UBR4: variants seen among roughly 807,000 people sequenced by gnomAD.
UBR4 encodes E3 ubiquitin-protein ligase UBR4.
A neutral mutation model predicts 575.6 loss-of-function variants in UBR4; 124 were observed. The observed-to-expected ratio is 0.22, with a 90% CI of 0.19 to 0.25. UBR4 has a LOEUF of 0.25. UBR4 is among the 10% of genes least tolerant of loss of function. UBR4 has a pLI of 1.00. For missense variants in UBR4, 4,818 were observed against 6,478.8 expected (o/e 0.74, Z 8.80); for synonymous variants, 2,455 against 2,473.7 (o/e 0.99, Z 0.22).
intron 9 of UBR4, among the ~76,000 whole-genome samples, chr1:19,192,994 G>A (rs900385800): frequency 6.6e-6 from 1 of 152,080 alleles, no homozygotes; most frequent in Non-Finnish European, 1.5e-5. Context: ...TGCTGGCCAG[G>A]CTGGTTTTGA....
At chr1:19,206,552 T>C (rs1464257378) in intron 1 of UBR4, among the ~76,000 whole-genome samples, 2 of 152,098 alleles carry the variant, frequency 1.3e-5, no homozygotes, top group Non-Finnish European at 2.9e-5. Context: ...GCCAGGCTGG[T>C]CTCAAACTCC....
intron 2 of UBR4, among the ~76,000 whole-genome samples, chr1:19,200,760 G>A (rs571961403): frequency 2.9e-3 from 448 of 152,324 alleles, no homozygotes; most frequent in African/African-American, 9.6e-3. Flanking sequence ...ATTGGACACT[G>A]AAGGATTCCT....
At chr1:19,078,813 T>C (rs1336266944) in intron 103 of UBR4, 2 of 152,180 alleles carry the variant, frequency 1.3e-5, no homozygotes, top group Non-Finnish European at 2.9e-5. Flanking sequence ...TCTAACAATG[T>C]CCACTGCCTT....
Position 19,153,482 on chromosome 1 carries a change from A to G in UBR4, c.6651T>C (p.Ile2217=), listed in dbSNP as rs1274842502. ...GCTGCTCATTGCAGGCCGTGTGCCT[A>G]ATAGCAACCATGTCTTGGATCTAGG... The part of the protein sequence containing the change: ...AKAKIQDMVA[I]RHTACNEQQR... The change falls in exon 46 of 106, where the codon ATT becomes ATC. Residue 2217 remains isoleucine, a synonymous_variant. Coordinates refer to ENST00000375254, the MANE Select transcript of UBR4 (RefSeq NM_020765.3). The surrounding 1 kb of genome is among the most constrained non-coding windows in gnomAD (Gnocchi z 4.1). 13 of 1,613,982 alleles carry G rather than the reference A, an allele frequency of 8.1e-6. No homozygotes were observed. The highest frequency in any genetic ancestry group is 1.1e-5 in the Non-Finnish European group (13 of 1,180,010).
chr1:19,188,037 A>AATAG (rs1240900381), intron 11 of UBR4, among the ~76,000 whole-genome samples: 2 of 148,642 alleles, frequency 1.3e-5, no homozygotes, highest in African/African-American at 4.9e-5. Context: ...AAATTAAATA[A>AATAG]ATAAATAAAT....
At chr1:19,091,971 G>A (rs2077555795) in intron 97 of UBR4, among the ~76,000 whole-genome samples, 1 of 151,006 alleles carries the variant, frequency 6.6e-6, no homozygotes, top group Non-Finnish European at 1.5e-5. Flanking sequence ...AGAAAATCAT[G>A]CTGAGAAAAA....
intron 23 of UBR4, 22 bp from the exon 24 acceptor site, chr1:19,173,328 GTGTT>G: frequency 6.2e-7 from 1 of 1,613,870 alleles, no homozygotes; most frequent in Non-Finnish European, 8.5e-7. Flanking sequence ...GCAAGAAAAA[GTGTT>G]TAGGAGATGA....
At chr1:19,091,060 C>T (rs190489787) in intron 97 of UBR4, among the ~76,000 whole-genome samples, 2 of 151,018 alleles carry the variant, frequency 1.3e-5, no homozygotes, top group Non-Finnish European at 2.9e-5. Context: ...CATGCCACTG[C>T]ACTCCAGCCT....
In UBR4 at chr1:19,074,580, C is replaced by A; in HGVS notation, c.*252G>T. On this transcript the variant is annotated 3_prime_UTR_variant, in exon 106 of 106. Transcript: ENST00000375254. ...CACTCAAGTATGAAGCTGGCCGGGA[C>A]AACTCATGGCTCCTAGGTATGTACA... 1.9e-6 allele frequency: 1 copy of A among 539,206 alleles called. No homozygotes were observed. The highest frequency in any genetic ancestry group is 3.3e-6 in the Non-Finnish European group (1 of 298,518). 33.4% of individuals were successfully genotyped at this position (539,206 alleles called of 1,614,324 possible). A position where few individuals can be genotyped will look rare whatever the true frequency, so the allele number is the denominator to read the frequency against.
chr1:19,169,449 T>C lies in UBR4; in HGVS notation c.3727A>G (p.Asn1243Asp). 1 of 1,613,662 alleles carries C rather than the reference T, an allele frequency of 6.2e-7. No homozygotes were observed. ...WNNINTNEFP[N>D]IGSWRNAFAN... The stretch of plus-strand genomic sequence containing the variant: ...TAGGGACTCACCCAGGATCCAATAT[T>C]GGGAAATTCATTGGTATTGATGTTG... Residue 1243 changes from asparagine to aspartate, a missense_variant, in exon 27 of 106, where the codon AAT becomes GAT. Physicochemically the swap from Asn to Asp is conservative, Grantham distance 23. This residue lies in a region of UBR4 where 1,172 missense variants were observed against 1,259.7 expected (regional missense o/e 0.93). Transcript: ENST00000375254.
In UBR4 at chr1:19,106,901, T is replaced by C. The variant is rs868828517; in HGVS notation, c.12171A>G (p.Gln4057=). 3.1e-6 allele frequency: 5 copies of C among 1,613,532 alleles called. No homozygotes were observed. Among genetic ancestry groups the C allele is most frequent in the Middle Eastern group, 3.6e-4 (2 of 5,626 alleles). The change falls in exon 82 of 106, where the codon CAA becomes CAG. Residue 4057 remains glutamine (Q), a synonymous_variant. Coordinates refer to ENST00000375254, the MANE Select transcript of UBR4 (RefSeq NM_020765.3). ...PYCNEIHAQA[Q]LWLKRDPKAS... ...CCTTGGGGTCTCTCTTGAGCCACAG[T>C]TGAGCCTGGGCATGGATCTCATTGC...
rs375295815 is a variant in UBR4 at position 19,161,050 on chromosome 1, T to A, written c.5273A>T (p.His1758Leu). Reference sequence around the variant, plus strand: ...GTCAGCTGGCGAGGAGGTGCTGGCATGACGCACTAGACTCTCTGAAATCCT... The same window carrying A: ...GTCAGCTGGCGAGGAGGTGCTGGCAAGACGCACTAGACTCTCTGAAATCCT... ...EPRISESLVR[H>L]ASTSSPADKA... The change falls in exon 38 of 106, where the codon CAT (histidine) becomes CTT (leucine). Residue 1758 changes from histidine (H) to leucine (L), a missense_variant. Around this residue, in one of 29 missense-constraint regions of UBR4, gnomAD observed 159 missense variants for 174.6 expected, o/e 0.91. Transcript: ENST00000375254. 3.1e-6 allele frequency: 5 copies of A among 1,614,058 alleles called. No homozygotes were observed. Among genetic ancestry groups the A allele is most frequent in the Non-Finnish European group, 4.2e-6 (5 of 1,180,036 alleles).
Position 19,167,163 on chromosome 1 carries a change from G to A in UBR4, c.3968C>T (p.Thr1323Ile). ...TLLPLLLESS[T>I]ESVAEISSNS... is the part of the protein sequence containing the mutation. Reference sequence around the variant, plus strand: ...GCTACTGATCTCGGCAACACTCTCAGTGCTTGATTCCAAAAGAAGAGGTAG... The same window carrying A: ...GCTACTGATCTCGGCAACACTCTCAATGCTTGATTCCAAAAGAAGAGGTAG... Residue 1323 changes from threonine to isoleucine, a missense_variant, in exon 29 of 106, where the codon ACT becomes ATT. Thr to Ile is a moderately conservative substitution (Grantham distance 89). Coordinates refer to ENST00000375254, the MANE Select transcript of UBR4 (RefSeq NM_020765.3). 1 of 1,614,214 alleles carries A rather than the reference G, an allele frequency of 6.2e-7. No homozygotes were observed. The highest frequency in any genetic ancestry group is 8.5e-7 in the Non-Finnish European group (1 of 1,180,042).
intron 55 of UBR4, among the ~76,000 whole-genome samples, chr1:19,143,094 CGAGAGA>C (rs372708234): frequency 9.6e-6 from 1 of 104,104 alleles, no homozygotes; most frequent in African/African-American, 3.7e-5. Context: ...TGAAAAAAGA[CGAGAGA>C]GAGAGAGAAA....
chr1:19,185,748 T>C (rs2091469562), intron 14 of UBR4, among the ~76,000 whole-genome samples: 1 of 151,890 alleles, frequency 6.6e-6, no homozygotes. Context: ...AATTTTTGAT[T>C]TTTAGTAGAG....
intron 34 of UBR4, 101 bp from the exon 35 acceptor site, chr1:19,162,712 G>T: frequency 7.4e-7 from 1 of 1,357,736 alleles, no homozygotes; most frequent in Non-Finnish European, 9.9e-7. Context: ...TCAGAGAAAT[G>T]GTATGAGAGC....
Position 19,187,521 on chromosome 1 carries a change from G to C in UBR4, c.1414C>G (p.Leu472Val), listed in dbSNP as rs1294806063. Residue 472 changes from leucine (L) to valine (V), a missense_variant, in exon 12 of 106, where the codon CTC becomes GTC. Physicochemically the swap from Leu to Val is conservative, Grantham distance 32. Around this residue, in one of 29 missense-constraint regions of UBR4, gnomAD observed 162 missense variants for 216.4 expected, o/e 0.75. Transcript: ENST00000375254. ...PGKGHQGFGVLSVILANHAIK... is the reference protein window; with the variant it reads ...PGKGHQGFGVVSVILANHAIK... ...GCATGGTTTGCCAATATTACTGAGA[G>C]TACCCCAAATCCCTGATGCCTACAC... is the stretch of plus-strand genomic sequence containing the variant. 2.5e-6 allele frequency: 4 copies of C among 1,613,548 alleles called. No homozygotes were observed. The highest frequency in any genetic ancestry group is 3.4e-6 in the Non-Finnish European group (4 of 1,179,964).
chr1:19,167,973 A>C, intron 28 of UBR4, 54 bp downstream of exon 28: 1 of 1,477,072 alleles, frequency 6.8e-7, no homozygotes, highest in Non-Finnish European at 9.1e-7. Context: ...GTCCCTCTTT[A>C]ACCACAATAG....
At position 19,153,085 on chromosome 1, in the gene UBR4, G is replaced by T. The variant is rs1016176915; in HGVS notation, c.6832+216C>A. Among the ~76,000 whole-genome samples, 2 of 152,184 alleles carry T rather than the reference G, an allele frequency of 1.3e-5. No homozygotes were observed. The highest frequency in any genetic ancestry group is 4.8e-5 in the African/African-American group (2 of 41,454). ...TCAAATAAGGTCCAGGACATAACTC[G>T]TTACTAGGCACCAAAGAACTGCTGG... On this transcript the variant is annotated intron_variant, in intron 46 of 105. Transcript: ENST00000375254. This position sits in a 1 kb window ranked among gnomAD's most constrained non-coding sequence, Gnocchi z 4.1.
Sources: gnomAD v4.1 joint callset for allele counts (sites outside exome capture counted in the v4.1 genomes callset) on GRCh38, gnomAD v4.1.1 for gene constraint, gnomAD v4.1.1 regional missense constraint, Gnocchi (gnomAD v3.1) non-coding constraint, MANE v1.5 for transcripts, NCBI Gene and HGNC (gene_info 2026-07-23, HGNC 2026-07-21) for gene names.